CDH1: variants seen among roughly 807,000 people sequenced by gnomAD.
CDH1 encodes cadherin-1.
Under a neutral mutation model 84.5 loss-of-function variants are expected in CDH1, and 35 were observed. The observed-to-expected ratio is 0.41, with a 90% CI of 0.32 to 0.55. The LOEUF is 0.55. Among genes scored for constraint, CDH1 ranks in the 20% least tolerant of loss-of-function variants. CDH1 has a pLI of 0.19. For missense variants in CDH1, 994 were observed against 1,126.6 expected, an observed-to-expected ratio of 0.88 and a Z score of 1.68; for synonymous variants, 417 against 439.0, an observed-to-expected ratio of 0.95 and a Z score of 0.63.
At position 68,801,653 on chromosome 16, in the gene CDH1, T is replaced by C. The variant is rs916075301; in HGVS notation, c.164-17T>C. The C allele has an allele frequency of 3.7e-6, 6 of 1,600,518 alleles. No homozygotes were observed. Among genetic ancestry groups the C allele is most frequent in the Non-Finnish European group, 5.1e-6 (6 of 1,167,718 alleles). On this transcript the variant is annotated splice_polypyrimidine_tract_variant and intron_variant, in intron 2 of 15. Transcript: ENST00000261769. ...AATCTGTCCAATTTCCTAATCTCTG[T>C]GATTTCTGCCCTGCAGTGAATTTTG...
At chr16:68,770,078 C>T (rs904807589) in intron 2 of CDH1, among the ~76,000 whole-genome samples, 1 of 151,858 alleles carries the variant, frequency 6.6e-6, no homozygotes, top group Non-Finnish European at 1.5e-5. Context: ...ACCTTTCCTC[C>T]CTGTCAATTA....
chr16:68,762,704 T>C (rs1959255418), intron 2 of CDH1, among the ~76,000 whole-genome samples: 1 of 150,532 alleles, frequency 6.6e-6, no homozygotes, highest in Non-Finnish European at 1.5e-5. Context: ...AAGTCAGGAG[T>C]TTGAGACCAG....
At chr16:68,740,969 T>C (rs1255625431) in intron 2 of CDH1, among the ~76,000 whole-genome samples, 3 of 150,952 alleles carry the variant, frequency 2.0e-5, no homozygotes, top group Non-Finnish European at 3.0e-5. Context: ...AGAAAAAAGG[T>C]GTTTGGGGAA....
At chr16:68,745,561 T>TATGTATATATATAA (rs1962708623) in intron 2 of CDH1, among the ~76,000 whole-genome samples, 1 of 132,286 alleles carries the variant, frequency 7.6e-6, no homozygotes, top group South Asian at 2.3e-4. Context: ...TATATATATA[T>TATGTATATATATAA]ATGTATATAT....
intron 2 of CDH1, among the ~76,000 whole-genome samples, chr16:68,778,124 T>C (rs1473313078): frequency 6.6e-6 from 1 of 152,184 alleles, no homozygotes. Context: ...CTCAGTCCCC[T>C]GCAACCTCCA....
chr16:68,822,216 A>C lies in CDH1; in HGVS notation c.1927A>C (p.Asn643His), dbSNP rs587781540. The C allele has an allele frequency of 6.2e-7, 1 of 1,613,714 alleles. No homozygotes were observed. The highest frequency in any genetic ancestry group is 8.5e-7 in the Non-Finnish European group (1 of 1,179,654). Residue 643 changes from asparagine to histidine, a missense_variant, in exon 12 of 16, where the codon AAC becomes CAC. Asn to His is a moderately conservative substitution (Grantham distance 68). Around this residue, in one of 3 missense-constraint regions of CDH1, gnomAD observed 769 missense variants for 881.8 expected, o/e 0.87. Coordinates refer to ENST00000261769, the MANE Select transcript of CDH1 (RefSeq NM_004360.5). Reference sequence around the variant, plus strand: ...GAGTGCCAACTGGACCATTCAGTACAACGACCCAAGTGGGTACCTGAGTTT... The same window carrying C: ...GAGTGCCAACTGGACCATTCAGTACCACGACCCAAGTGGGTACCTGAGTTT... ...GASANWTIQYNDPTQESIILK... is the reference protein window; with the variant it reads ...GASANWTIQYHDPTQESIILK...
chr16:68,748,186 C>T (rs1431519161), intron 2 of CDH1, among the ~76,000 whole-genome samples: 2 of 146,310 alleles, frequency 1.4e-5, no homozygotes, highest in African/African-American at 5.1e-5. Context: ...GATCTCGGCT[C>T]ACCGCAACCT....
intron 2 of CDH1, among the ~76,000 whole-genome samples, chr16:68,769,310 T>C (rs540775273): frequency 1.8e-4 from 27 of 152,300 alleles, no homozygotes; most frequent in South Asian, 4.1e-4. Context: ...GTTAGATTTA[T>C]GTGTATACTT....
Position 68,808,483 on chromosome 16 carries a change from CAG to C in CDH1, c.449_450del (p.Arg150LysfsTer17). The C allele has an allele frequency of 6.2e-7, 1 of 1,614,158 alleles. No individual in the cohort carries two copies. Among genetic ancestry groups the C allele is most frequent in the Non-Finnish European group, 8.5e-7 (1 of 1,180,006 alleles). ...CATTTCCCAACTCCTCTCCTGGCCT[CAG>C]AAGACAGAAGAGAGACTGGGTTATT... ...LTFPNSSPGLRRQKRDWVIPP... is the reference protein window; with the variant it reads ...LTFPNSSPGLXRQKRDWVIPP... On this transcript the variant is annotated frameshift_variant, in exon 4 of 16. Coordinates refer to ENST00000261769, the MANE Select transcript of CDH1 (RefSeq NM_004360.5). LOFTEE classifies it high-confidence loss of function.
rs1567505832 is a variant in CDH1, at chr16:68,810,347, T to C, written c.832+6T>C. ...CATGGAAGGTGCTCTTCCAGGTATA[T>C]CCACTAATGAGAATCTGAATACTCA... On this transcript the variant is annotated splice_donor_region_variant and intron_variant, in intron 6 of 15. Coordinates refer to ENST00000261769, the MANE Select transcript of CDH1 (RefSeq NM_004360.5). 11 of 1,613,438 alleles carry C rather than the reference T, an allele frequency of 6.8e-6. No individual in the cohort carries two copies. The highest frequency in any genetic ancestry group is 9.3e-6 in the Non-Finnish European group (11 of 1,179,410).
intron 2 of CDH1, among the ~76,000 whole-genome samples, chr16:68,768,224 G>T (rs1352597440): frequency 1.3e-5 from 2 of 152,202 alleles, no homozygotes; most frequent in Non-Finnish European, 2.9e-5. Context: ...GGGATTACAG[G>T]CGTGAGCCAC....
chr16:68,832,649 G>A (rs921953061), intron 15 of CDH1, among the ~76,000 whole-genome samples: 1 of 151,644 alleles, frequency 6.6e-6, no homozygotes, highest in Non-Finnish European at 1.5e-5. Context: ...GTGAAACCCC[G>A]TTTTTACTAA....
chr16:68,787,921 G>A (rs1359561343), intron 2 of CDH1, among the ~76,000 whole-genome samples: 1 of 150,618 alleles, frequency 6.6e-6, no homozygotes, highest in African/African-American at 2.5e-5. Context: ...CGCCTCCTGG[G>A]TTCAAGCAAT....
chr16:68,796,668 C>A (rs1960370634), intron 2 of CDH1, among the ~76,000 whole-genome samples: 1 of 151,864 alleles, frequency 6.6e-6, no homozygotes, highest in African/African-American at 2.4e-5. Context: ...GCCCAGTAGG[C>A]TAGAAAGTGG....
At chr16:68,753,415 T>G (rs932890408) in intron 2 of CDH1, among the ~76,000 whole-genome samples, 1 of 149,310 alleles carries the variant, frequency 6.7e-6, no homozygotes, top group African/African-American at 2.6e-5. Flanking sequence ...GGTGCAATCT[T>G]GGCTCACTGC....
chr16:68,822,556 G>T (rs1352322192), intron 12 of CDH1: 3 of 509,672 alleles, frequency 5.9e-6, no homozygotes, highest in African/African-American at 3.8e-5. Flanking sequence ...CACCATTTTT[G>T]TGGTTAGCTC....
chr16:68,832,664 A>G lies in CDH1; in HGVS notation c.2440-626A>G, dbSNP rs568481328. ...GTGAAACCCCGTTTTTACTAAAAAT[A>G]CAAAAATTAGCCGGGCATGGTGGCG... On this transcript the variant is annotated intron_variant, in intron 15 of 15. Transcript: ENST00000261769. Among the ~76,000 whole-genome samples, 32 of 152,124 alleles carry G rather than the reference A, an allele frequency of 2.1e-4. 1 individual carries two copies. The highest frequency in any genetic ancestry group is 3.3e-4 in the Admixed American group (5 of 15,264).
intron 3 of CDH1, among the ~76,000 whole-genome samples, chr16:68,803,573 T>C (rs1286831797): frequency 6.6e-6 from 1 of 151,988 alleles, no homozygotes; most frequent in Non-Finnish European, 1.5e-5. Flanking sequence ...GATTTTTGGA[T>C]TTTAGTAGAG....
At chr16:68,812,330 C>A (rs1960863227) in intron 8 of CDH1, 67 bp downstream of exon 8, 1 of 1,532,246 alleles carries the variant, frequency 6.5e-7, no homozygotes, top group African/African-American at 1.4e-5. Context: ...CTAAGTGTCA[C>A]CACTGCTCAT....
Sources: allele counts gnomAD v4.1 joint callset (sites outside exome capture counted in the v4.1 genomes callset), GRCh38; gene constraint gnomAD v4.1.1; regional missense constraint gnomAD v4.1.1; transcripts MANE v1.5; gene names NCBI Gene and HGNC (gene_info 2026-07-23, HGNC 2026-07-21).